The following SIDT1 variants were observed in gnomAD, a reference collection of about 807,000 sequenced individuals.
The protein encoded by SIDT1 is SID1 transmembrane family member 1, also known as SID1 transmembrane family, member 1.
Under a neutral mutation model 107.5 loss-of-function variants are expected in SIDT1, and 101 were observed. The ratio of observed to expected loss-of-function variants is 0.94; its 90% confidence interval spans 0.80 to 1.11. The LOEUF is 1.11. Among genes scored for constraint, SIDT1 ranks in the 50% least tolerant of loss-of-function variants. SIDT1 has a pLI of 0.00. For synonymous variants in SIDT1, 395 were observed against 398.2 expected (o/e 0.99, Z 0.10); for missense variants, 1,076 against 1,058.2 (o/e 1.02, Z -0.23).
rs948622265 is a variant in SIDT1, at chr3:113,584,869, A to G, written c.907+100A>G. ...CATCCTTCCAGAGAGAATTGTCATA[A>G]GAAAACTAAAGTATATTTACCTTAG... On this transcript the variant is annotated intron_variant, in intron 8 of 24. Coordinates refer to ENST00000264852, the MANE Select transcript of SIDT1 (RefSeq NM_017699.3). The G allele has an allele frequency of 1.0e-5, 9 of 857,926 alleles. No homozygotes were observed. In the African/African-American group the frequency reaches 1.4e-4, roughly 13 times the overall value. The allele number at this position is 857,926 out of a possible 1,614,324, so 53.1% of individuals were successfully genotyped here. A position where few individuals can be genotyped will look rare whatever the true frequency, so the allele number is the denominator to read the frequency against.
At position 113,611,122 on chromosome 3, in the gene SIDT1, T is replaced by A; in HGVS notation, c.1835T>A (p.Ile612Asn). ...YSAYASFAVV[I>N]MVTVLGVVFG... ...GCCTATGCCTCCTTTGCTGTGGTCA[T>A]CATGGTCACCGTCCTTGGAGTGGTG... Residue 612 changes from isoleucine to asparagine, a missense_variant, in exon 18 of 25, where the codon ATC (isoleucine) becomes AAC (asparagine). Coordinates refer to ENST00000264852, the MANE Select transcript of SIDT1 (RefSeq NM_017699.3). 1 of 1,614,008 alleles carries A rather than the reference T, an allele frequency of 6.2e-7. No individual in the cohort carries two copies. The highest frequency in any genetic ancestry group is 8.5e-7 in the Non-Finnish European group (1 of 1,179,952).
intron 1 of SIDT1, among the ~76,000 whole-genome samples, chr3:113,544,018 TTTATA>T (rs1939255263): frequency 6.6e-6 from 1 of 152,222 alleles, no homozygotes. Context: ...CTGCTACTAT[TTTATA>T]TAACTTAGTC....
At chr3:113,611,872 T>G (rs1945770671) in intron 18 of SIDT1, among the ~76,000 whole-genome samples, 1 of 151,386 alleles carries the variant, frequency 6.6e-6, no homozygotes, top group Admixed American at 6.6e-5. Flanking sequence ...TGGCTGCCTC[T>G]CCTATTTCCT....
chr3:113,620,749 C>T (rs1946411511), intron 21 of SIDT1, among the ~76,000 whole-genome samples: 1 of 152,174 alleles, frequency 6.6e-6, no homozygotes, highest in Non-Finnish European at 1.5e-5. Context: ...CTCTTCTTGA[C>T]CACCCTTCTA....
intron 1 of SIDT1, among the ~76,000 whole-genome samples, chr3:113,544,344 C>A (rs1478493240): frequency 6.6e-6 from 1 of 152,128 alleles, no homozygotes; most frequent in Non-Finnish European, 1.5e-5. Flanking sequence ...GCGCACACAA[C>A]CACGCCCAGC....
intron 1 of SIDT1, among the ~76,000 whole-genome samples, chr3:113,534,645 T>G (rs1175395346): frequency 6.6e-6 from 1 of 152,206 alleles, no homozygotes; most frequent in Admixed American, 6.5e-5. Flanking sequence ...TGAGGTGTGT[T>G]CCTAGTCCTG....
chr3:113,559,435 ATTT>A (rs57171720), intron 1 of SIDT1, among the ~76,000 whole-genome samples: 1 of 143,062 alleles, frequency 7.0e-6, no homozygotes, highest in Non-Finnish European at 1.5e-5. Context: ...CTTTTTATTT[ATTT>A]TTTTTTTTTT....
intron 1 of SIDT1, among the ~76,000 whole-genome samples, chr3:113,556,821 CTTTTT>C (rs61672960): frequency 7.4e-5 from 8 of 107,638 alleles, no homozygotes; most frequent in East Asian, 5.8e-4. Flanking sequence ...GTTTCTTTTT[CTTTTT>C]TTTTTTTTTT....
chr3:113,581,687 A>G lies in SIDT1; in HGVS notation c.747+243A>G. The stretch of plus-strand genomic sequence containing the variant: ...CAGGAGTTTGAGACCAGCCTGGCCA[A>G]TATGGCAAAACCCTGTCTCCACTAA... On this transcript the variant is annotated intron_variant, in intron 6 of 24. Coordinates refer to ENST00000264852, the MANE Select transcript of SIDT1 (RefSeq NM_017699.3). The G allele has an allele frequency of 1.1e-5, 5 of 443,100 alleles. No individual in the cohort carries two copies. In the South Asian group the frequency reaches 1.3e-4, roughly 11 times the overall value. The allele number at this position is 443,100 out of a possible 1,614,324, so 27.4% of individuals were successfully genotyped here.
At chr3:113,564,116 T>A (rs1941694339) in intron 1 of SIDT1, among the ~76,000 whole-genome samples, 1 of 152,076 alleles carries the variant, frequency 6.6e-6, no homozygotes, top group Non-Finnish European at 1.5e-5. Context: ...GCCCAGCTAA[T>A]TTTGTACTTT....
chr3:113,566,576 T>C (rs2271495), intron 2 of SIDT1, 35 bp downstream of exon 2: 315,223 of 1,601,070 alleles, frequency 0.2, 36,492 homozygotes, highest in East Asian at 0.6. Flanking sequence ...CTTCACTATG[T>C]TTAGTTTTCT....
At chr3:113,592,110 G>A (rs376559068) in intron 9 of SIDT1, among the ~76,000 whole-genome samples, 2 of 152,174 alleles carry the variant, frequency 1.3e-5, no homozygotes, top group East Asian at 3.8e-4. Flanking sequence ...GAGACAGAAA[G>A]TAGATTAGTG....
At chr3:113,550,253 A>T (rs1940065531) in intron 1 of SIDT1, among the ~76,000 whole-genome samples, 1 of 152,122 alleles carries the variant, frequency 6.6e-6, no homozygotes, top group African/African-American at 2.4e-5. Context: ...GCCCATCAAG[A>T]TTCTCCCTCT....
At chr3:113,533,794 G>C (rs1477364089) in intron 1 of SIDT1, among the ~76,000 whole-genome samples, 1 of 152,194 alleles carries the variant, frequency 6.6e-6, no homozygotes, top group African/African-American at 2.4e-5. Context: ...ATTGTCACAC[G>C]TTGTGCTTCA....
intron 6 of SIDT1, among the ~76,000 whole-genome samples, chr3:113,582,572 C>G (rs564277790): frequency 1.3e-5 from 2 of 152,212 alleles, no homozygotes; most frequent in South Asian, 4.1e-4. Flanking sequence ...ATCCGGGACA[C>G]TAAATTCATA....
intron 1 of SIDT1, among the ~76,000 whole-genome samples, chr3:113,535,453 A>G (rs1299730293): frequency 6.6e-6 from 1 of 152,256 alleles, no homozygotes; most frequent in East Asian, 1.9e-4. Context: ...ACATAAAAAC[A>G]AATTTCTTTC....
At chr3:113,556,603 A>G (rs1426442139) in intron 1 of SIDT1, among the ~76,000 whole-genome samples, 2 of 152,216 alleles carry the variant, frequency 1.3e-5, no homozygotes, top group Admixed American at 1.3e-4. Context: ...AGATTCATCA[A>G]TCAGGCAGCT....
chr3:113,620,779 T>A (rs1946413898), intron 21 of SIDT1, among the ~76,000 whole-genome samples: 1 of 152,190 alleles, frequency 6.6e-6, no homozygotes, highest in Non-Finnish European at 1.5e-5. Context: ...ACAGTCCTGG[T>A]GGTCCTGAAA....
intron 10 of SIDT1, among the ~76,000 whole-genome samples, chr3:113,599,056 G>A (rs948368320): frequency 1.3e-5 from 2 of 152,248 alleles, no homozygotes; most frequent in East Asian, 3.8e-4. Flanking sequence ...CCTGAACCCG[G>A]TGGTTGAGGC....
Sources: gnomAD v4.1 joint callset for allele counts (sites outside exome capture counted in the v4.1 genomes callset) on GRCh38, gnomAD v4.1.1 for gene constraint, MANE v1.5 for transcripts, NCBI Gene and HGNC (gene_info 2026-07-23, HGNC 2026-07-21) for gene names.